TPO: variants seen among roughly 807,000 people sequenced by gnomAD.
TPO encodes the protein thyroid peroxidase.
In TPO, 78 loss-of-function variants were observed where a neutral mutation model predicts 96.9. That is an observed-to-expected ratio of 0.81 (90% CI 0.67 to 0.97). The LOEUF is 0.97. Ranked by LOEUF, TPO falls within the 50% of genes least tolerant of loss-of-function variation. The pLI is 0.00. For synonymous variants in TPO, 547 were observed against 538.0 expected, an observed-to-expected ratio of 1.02 and a Z score of -0.23; for missense variants, 1,252 against 1,274.8, an observed-to-expected ratio of 0.98 and a Z score of 0.27.
chr2:1,488,505 T>G (rs1011323700), intron 10 of TPO, among the ~76,000 whole-genome samples: 25 of 152,072 alleles, frequency 1.6e-4, no homozygotes, highest in Non-Finnish European at 3.2e-4. Flanking sequence ...GCTCCTGCCT[T>G]TCCCAGGCCC....
chr2:1,508,685 A>C (rs1391033292), intron 14 of TPO, among the ~76,000 whole-genome samples: 1 of 152,156 alleles, frequency 6.6e-6, no homozygotes, highest in African/African-American at 2.4e-5. Flanking sequence ...AGGTGTTTAT[A>C]GTATTCTCTG....
At chr2:1,422,689 A>G (rs1465489298) in intron 2 of TPO, among the ~76,000 whole-genome samples, 1 of 152,202 alleles carries the variant, frequency 6.6e-6, no homozygotes, top group African/African-American at 2.4e-5. Context: ...ATCTTTTATT[A>G]AATACACAAG....
At chr2:1,414,986 AC>A (rs1278484560) in intron 2 of TPO, among the ~76,000 whole-genome samples, 2 of 152,146 alleles carry the variant, frequency 1.3e-5, no homozygotes, top group Non-Finnish European at 2.9e-5. Flanking sequence ...TGGAGTGAAT[AC>A]TGCAGGGGCA....
chr2:1,414,282 C>T, intron 1 of TPO, 126 bp from the exon 2 acceptor site: 2 of 911,760 alleles, frequency 2.2e-6, no homozygotes, highest in South Asian at 1.4e-5. Flanking sequence ...GTGAGGGTCG[C>T]TCACTGCGGT....
chr2:1,408,578 A>T (rs1259365599), upstream of TPO, among the ~76,000 whole-genome samples: 1 of 152,218 alleles, frequency 6.6e-6, no homozygotes, highest in Non-Finnish European at 1.5e-5. Context: ...AAAGATGTGT[A>T]GTTAAAGCCA....
rs1662678923 is a variant in TPO, at chr2:1,414,459, A to T, written c.51A>T (p.Glu17Asp). The T allele has an allele frequency of 1.2e-6, 2 of 1,613,862 alleles. No homozygotes were observed. The highest frequency in any genetic ancestry group is 2.7e-5 in the African/African-American group (2 of 74,892). ...LSVTLVMACT[E>D]AFFPFISRGK... ...TCACGCTGGTTATGGCCTGCACAGA[A>T]GCCTTCTTCCCCTTCATCTCGAGAG... The change falls in exon 2 of 17, where the codon GAA becomes GAT. Residue 17 changes from glutamate to aspartate, a missense_variant. By Grantham distance (45) the Glu-to-Asp change is conservative. Coordinates refer to ENST00000329066, the MANE Select transcript of TPO (RefSeq NM_001206744.2).
Position 1,477,515 on chromosome 2 carries a change from C to T in TPO, c.1249C>T (p.Leu417=), listed in dbSNP as rs767018779. Reference sequence around the variant, plus strand: ...GCTGTGGCTGCGCGAGCACAACCGCCTGGCCGCGGCGCTCAAGGCCCTCAA... The same window carrying T: ...GCTGTGGCTGCGCGAGCACAACCGCTTGGCCGCGGCGCTCAAGGCCCTCAA... ...HTLWLREHNR[L]AAALKALNAH... The change falls in exon 8 of 17, where the codon CTG becomes TTG. Residue 417 remains leucine (L), a synonymous_variant. Coordinates refer to ENST00000329066, the MANE Select transcript of TPO (RefSeq NM_001206744.2). 2.7e-5 allele frequency: 41 copies of T among 1,532,586 alleles called. No individual in the cohort carries two copies. The highest frequency in any genetic ancestry group is 3.6e-5 in the Non-Finnish European group (41 of 1,144,934). The allele number at this position is 1,532,586 out of a possible 1,614,324, so 94.9% of individuals were successfully genotyped here. A position where few individuals can be genotyped will look rare whatever the true frequency, so the allele number is the denominator to read the frequency against.
At chr2:1,530,782 G>T (rs144214750) in intron 15 of TPO, among the ~76,000 whole-genome samples, 84,892 of 84,906 alleles carry the variant, frequency 1, 42,441 homozygotes, top group Middle Eastern at 1. Flanking sequence ...CCCCATGGGG[G>T]GCAACGTCCT....
chr2:1,381,706 AC>A (rs1271750854), intron 1 of TPO, among the ~76,000 whole-genome samples: 4 of 152,192 alleles, frequency 2.6e-5, no homozygotes, highest in African/African-American at 7.2e-5. Flanking sequence ...TTGTGTTTTA[AC>A]CCATTGATGT....
At chr2:1,497,352 G>T (rs2124952774) in intron 13 of TPO, among the ~76,000 whole-genome samples, 1 of 152,340 alleles carries the variant, frequency 6.6e-6, no homozygotes, top group East Asian at 1.9e-4. Context: ...GCTTGAGCGG[G>T]TGTCAGCCCA....
intron 10 of TPO, among the ~76,000 whole-genome samples, chr2:1,490,758 A>G (rs1317382199): frequency 1.3e-5 from 2 of 152,232 alleles, no homozygotes; most frequent in Admixed American, 6.5e-5. Context: ...CTGAGGATAA[A>G]TCAGATAAAA....
At chr2:1,533,769 G>T (rs1678891980) in intron 15 of TPO, among the ~76,000 whole-genome samples, 1 of 31,976 alleles carries the variant, frequency 3.1e-5, no homozygotes, top group Non-Finnish European at 5.8e-5. Flanking sequence ...CCCCCACTCT[G>T]AGTAGCCTCC....
At chr2:1,463,202 G>A (rs1337402351) in intron 7 of TPO, among the ~76,000 whole-genome samples, 2 of 152,122 alleles carry the variant, frequency 1.3e-5, no homozygotes, top group Non-Finnish European at 2.9e-5. Context: ...GAACCTCCTG[G>A]CTTGCAGTTA....
chr2:1,528,869 C>T (rs1418553810), intron 15 of TPO, among the ~76,000 whole-genome samples: 2 of 139,974 alleles, frequency 1.4e-5, no homozygotes, highest in Admixed American at 7.1e-5. Context: ...CCACTGTGTG[C>T]AACCTCCCCA....
At position 1,422,315 on chromosome 2, in the gene TPO, C is replaced by CCG. The variant is rs1197046673; in HGVS notation, c.95-730_95-729insCG. Among the ~76,000 whole-genome samples, 141 of 140,564 alleles carry CCG rather than the reference C, an allele frequency of 1.0e-3. 4 individuals carry two copies. The highest frequency in any genetic ancestry group is 2.8e-3 in the African/African-American group (104 of 37,526). The allele number at this position is 140,564 out of a possible 152,430, so 92.2% of individuals were successfully genotyped here. On this transcript the variant is annotated intron_variant, in intron 2 of 16. Coordinates refer to ENST00000329066, the MANE Select transcript of TPO (RefSeq NM_001206744.2). ...AGACCCCGCAGGCGCCTCTCCTGGA[C>CCG]AGACCTCGTGCAGGCGCCTCTCCTG...
intron 15 of TPO, among the ~76,000 whole-genome samples, chr2:1,523,050 C>A (rs1442189833): frequency 2.2e-5 from 3 of 138,486 alleles, no homozygotes; most frequent in Non-Finnish European, 4.6e-5. Flanking sequence ...ATCTCCCCAA[C>A]TGTGTGCAAC....
At chr2:1,488,105 T>C in intron 10 of TPO, 114 bp downstream of exon 10, 1 of 1,486,626 alleles carries the variant, frequency 6.7e-7, no homozygotes, top group East Asian at 2.3e-5. Flanking sequence ...ATCTGAGGCC[T>C]TCTAAGCAAC....
intron 10 of TPO, among the ~76,000 whole-genome samples, chr2:1,491,041 A>G (rs971108266): frequency 6.6e-6 from 1 of 152,086 alleles, no homozygotes; most frequent in African/African-American, 2.4e-5. Context: ...GTGGTGGCAG[A>G]CACCTGTAAT....
At chr2:1,452,665 A>G (rs1055501954) in intron 5 of TPO, among the ~76,000 whole-genome samples, 1 of 152,232 alleles carries the variant, frequency 6.6e-6, no homozygotes, top group African/African-American at 2.4e-5. Context: ...GTAATGAGCT[A>G]TCATTAAAAT....
Sources: gnomAD v4.1 joint callset for allele counts (sites outside exome capture counted in the v4.1 genomes callset) on GRCh38, gnomAD v4.1.1 for gene constraint, MANE v1.5 for transcripts, NCBI Gene and HGNC (gene_info 2026-07-23, HGNC 2026-07-21) for gene names.